Variants in PLIN1 observed in about 807,000 individuals in gnomAD.
PLIN1 encodes perilipin-1.
Under a neutral mutation model 45.8 loss-of-function variants are expected in PLIN1, and 37 were observed. The ratio of observed to expected loss-of-function variants is 0.81; its 90% CI spans 0.62 to 1.06. The LOEUF (loss-of-function observed/expected upper bound fraction) is 1.06, where lower values mean the gene tolerates loss of function less well. Among genes scored for constraint, PLIN1 ranks in the 50% least tolerant of loss-of-function variants. The pLI, the probability that PLIN1 is intolerant of heterozygous loss-of-function variation, is 0.00. For synonymous variants in PLIN1, 340 were observed against 309.2 expected (o/e 1.10, Z -1.05); for missense variants, 776 against 716.5 (o/e 1.08, Z -0.95).
Position 89,665,547 on chromosome 15 carries a change from C to T in PLIN1, c.*36G>A. ...GGGTTCTGTTTATTTGTTAGAGAAA[C>T]CCGCCGGCCCGGGGCGCGGCGGCTG... On this transcript the variant is annotated 3_prime_UTR_variant, in exon 9 of 9. Coordinates refer to ENST00000300055, the MANE Select transcript of PLIN1 (RefSeq NM_002666.5). 1.3e-6 allele frequency: 2 copies of T among 1,520,704 alleles called. No individual in the cohort carries two copies. Among genetic ancestry groups the T allele is most frequent in the Non-Finnish European group, 1.8e-6 (2 of 1,136,460 alleles). 94.2% of individuals were successfully genotyped at this position (1,520,704 alleles called of 1,614,324 possible).
rs1222430758 is a variant in PLIN1 at position 89,667,804 on chromosome 15, A to T, written c.772-11T>A. The T allele has an allele frequency of 6.5e-7, 1 of 1,549,716 alleles. No homozygotes were observed. Among genetic ancestry groups the T allele is most frequent in the East Asian group, 2.4e-5 (1 of 41,526 alleles). On this transcript the variant is annotated splice_polypyrimidine_tract_variant and intron_variant, in intron 6 of 8. Transcript: ENST00000300055. ...CTGGGCCAGGCTGCTCTGAGGGAGG[A>T]TGGCAGCAGATAGCTGGCTCAACTG... is the stretch of plus-strand genomic sequence containing the variant.
At chr15:89,676,604 T>C (rs1435774075) in intron 2 of PLIN1, 2 of 152,196 alleles carry the variant, frequency 1.3e-5, no homozygotes, top group Admixed American at 1.3e-4. Flanking sequence ...AAATAGACTA[T>C]GACTATAAAC....
rs945868887 is a variant in PLIN1, at chr15:89,665,381, G to C, written c.*202C>G. On this transcript the variant is annotated 3_prime_UTR_variant, in exon 9 of 9. Transcript: ENST00000300055. ...CTGGTGTCCCTTAAAAACTGGCTCT[G>C]AGAGTGAAGCCCCAAAAGGATGCTA... 1.8e-5 allele frequency: 7 copies of C among 393,534 alleles called. No homozygotes were observed. Among genetic ancestry groups the C allele is most frequent in the African/African-American group, 1.5e-4 (7 of 48,106 alleles). 24.4% of individuals were successfully genotyped at this position (393,534 alleles called of 1,614,324 possible). A position where few individuals can be genotyped will look rare whatever the true frequency, so the allele number is the denominator to read the frequency against.
chr15:89,674,623 G>C (rs1488179903), intron 2 of PLIN1, among the ~76,000 whole-genome samples: 1 of 152,096 alleles, frequency 6.6e-6, no homozygotes, highest in Non-Finnish European at 1.5e-5. Context: ...CAGCTTTGCT[G>C]AGCTGAAATT....
At chr15:89,677,756 T>TC in intron 1 of PLIN1, 2 of 395,556 alleles carry the variant, frequency 5.1e-6, no homozygotes. Context: ...TTTCTTTCTT[T>TC]TTTTTTTTTT....
In PLIN1 at chr15:89,667,020, T is replaced by C. The variant is rs1382108424; in HGVS notation, c.1125A>G (p.Ser375=). Residue 375 remains serine, a synonymous_variant, in exon 8 of 9, where the codon TCA becomes TCG. Coordinates refer to ENST00000300055, the MANE Select transcript of PLIN1 (RefSeq NM_002666.5). ...ATAGGGACATGGCCCTCCCCTTGGT[T>C]GAGGAGACAGCAGGGGCTGGTGTGA... ...LHLTPAPAVS[S]TKGRAMSLSD... 1.2e-6 allele frequency: 2 copies of C among 1,614,084 alleles called. No individual in the cohort carries two copies. Among genetic ancestry groups the C allele is most frequent in the Admixed American group, 3.3e-5 (2 of 60,022 alleles).
In PLIN1 at chr15:89,671,541, A is replaced by G. The variant is rs1964440982; in HGVS notation, c.274T>C (p.Cys92Arg). ...TCCTCCAGGTGGTCCAAGCCTCGGC[A>G]GGCCAGCTCATTGGCAGCTGTGACT... ...TQFTAANELA[C>R]RGLDHLEEKI... Residue 92 changes from cysteine to arginine, a missense_variant, in exon 4 of 9, where the codon TGC becomes CGC. Coordinates refer to ENST00000300055, the MANE Select transcript of PLIN1 (RefSeq NM_002666.5). 6.4e-7 allele frequency: 1 copy of G among 1,571,718 alleles called. No individual in the cohort carries two copies. Among genetic ancestry groups the G allele is most frequent in the Non-Finnish European group, 8.6e-7 (1 of 1,157,810 alleles).
In PLIN1 at chr15:89,665,687, G is replaced by A. The variant is rs780710485; in HGVS notation, c.1465C>T (p.Arg489Cys). ...CTGACCCTGCGCTTTGGCTTCTCGC[G>A]GGGCACGGCCGGGAAGCCCGGGCGC... ...APRPGFPAVP[R>C]EKPKRRVSDS... is the part of the protein sequence containing the mutation. The change falls in exon 9 of 9, where the codon CGC becomes TGC. Residue 489 changes from arginine (R) to cysteine (C), a missense_variant. By Grantham distance (180) the Arg-to-Cys change is radical. Coordinates refer to ENST00000300055, the MANE Select transcript of PLIN1 (RefSeq NM_002666.5). 124 of 1,477,772 alleles carry A rather than the reference G, an allele frequency of 8.4e-5. No homozygotes were observed. In the Middle Eastern group the frequency reaches 9.5e-4, roughly 11 times the overall value. The allele number at this position is 1,477,772 out of a possible 1,614,324, so 91.5% of individuals were successfully genotyped here.
In PLIN1 at chr15:89,677,182, T is replaced by TC. The variant is rs1314500970; in HGVS notation, c.45+262dup. 1.4e-4 allele frequency: 75 copies of TC among 548,366 alleles called. No individual in the cohort carries two copies. In the East Asian group the frequency reaches 2.3e-3, roughly 17 times the overall value. The allele number at this position is 548,366 out of a possible 1,614,324, so 34.0% of individuals were successfully genotyped here. A position where few individuals can be genotyped will look rare whatever the true frequency, so the allele number is the denominator to read the frequency against. On this transcript the variant is annotated intron_variant, in intron 2 of 8. Coordinates refer to ENST00000300055, the MANE Select transcript of PLIN1 (RefSeq NM_002666.5). ...AAACAGTAGTTTCCTTCCTCTCCAC[T>TC]CCCCCCGTCCCTAAGCCAGGATTTC...
chr15:89,666,086 G>C lies in PLIN1; in HGVS notation c.1210-144C>G, dbSNP rs1173521321. On this transcript the variant is annotated intron_variant, in intron 8 of 8. Transcript: ENST00000300055. Reference sequence around the variant, plus strand: ...AGGCTGGGGAGCGGTTCAGTAGTTTGGGGGGCACCGGGGAAAGCCCTGAGG... The same window carrying C: ...AGGCTGGGGAGCGGTTCAGTAGTTTCGGGGGCACCGGGGAAAGCCCTGAGG... 2.0e-5 allele frequency: 10 copies of C among 508,404 alleles called. No homozygotes were observed. The East Asian group carries it at 3.8e-4, about 19-fold the overall frequency. 31.5% of individuals were successfully genotyped at this position (508,404 alleles called of 1,614,324 possible).
chr15:89,666,754 CT>C (rs1964346873), intron 8 of PLIN1, among the ~76,000 whole-genome samples, 181 bp downstream of exon 8: 1 of 152,210 alleles, frequency 6.6e-6, no homozygotes, highest in African/African-American at 2.4e-5. Flanking sequence ...CTCTATACTC[CT>C]GGGGCTGGGA....
chr15:89,667,430 G>A (rs1012630155), intron 7 of PLIN1, among the ~76,000 whole-genome samples, 172 bp downstream of exon 7: 1 of 152,244 alleles, frequency 6.6e-6, no homozygotes, highest in African/African-American at 2.4e-5. Context: ...TCAGCTGAGA[G>A]AATGACATGG....
Position 89,665,853 on chromosome 15 carries a change from G to T in PLIN1, c.1299C>A (p.Arg433=). 1 of 1,489,000 alleles carries T rather than the reference G, an allele frequency of 6.7e-7. No homozygotes were observed. Among genetic ancestry groups the T allele is most frequent in the Non-Finnish European group, 8.9e-7 (1 of 1,124,508 alleles). 92.2% of individuals were successfully genotyped at this position (1,489,000 alleles called of 1,614,324 possible). Residue 433 remains arginine, a synonymous_variant, in exon 9 of 9, where the codon CGC becomes CGA. Transcript: ENST00000300055. ...CGGCGGACGGCGCCCCAGACGCTCTGCGCTCCGCCTCCCGGCGCTCGACCT... is the reference window on the plus strand; with the variant it reads ...CGGCGGACGGCGCCCCAGACGCTCTTCGCTCCGCCTCCCGGCGCTCGACCT... ...PAEVERREAE[R]RASGAPSAGP...
Position 89,665,509 on chromosome 15 carries a change from G to A in PLIN1, c.*74C>T, listed in dbSNP as rs1456576688. The A allele has an allele frequency of 4.8e-6, 7 of 1,447,666 alleles. No homozygotes were observed. Among genetic ancestry groups the A allele is most frequent in the South Asian group, 2.5e-5 (2 of 78,760 alleles). The allele number at this position is 1,447,666 out of a possible 1,614,324, so 89.7% of individuals were successfully genotyped here. A position where few individuals can be genotyped will look rare whatever the true frequency, so the allele number is the denominator to read the frequency against. On this transcript the variant is annotated 3_prime_UTR_variant, in exon 9 of 9. Coordinates refer to ENST00000300055, the MANE Select transcript of PLIN1 (RefSeq NM_002666.5). ...GACCACTTTGAAAGTGGCAACGCTC[G>A]CCTGGGCAGTGCGGGTTCTGTTTAT... is the stretch of plus-strand genomic sequence containing the variant.
chr15:89,675,468 A>C lies in PLIN1; in HGVS notation c.45+1977T>G, dbSNP rs371685076. On this transcript the variant is annotated intron_variant, in intron 2 of 8. Coordinates refer to ENST00000300055, the MANE Select transcript of PLIN1 (RefSeq NM_002666.5). ...AAAAAGCTGGCCATGCTAATATTTG[A>C]TGGCATGTGGACTACACAGTCCCAG... Among the ~76,000 whole-genome samples the C allele has an allele frequency of 1.2e-4, 17 of 144,390 alleles. No homozygotes were observed. In the East Asian group the frequency reaches 2.3e-3, roughly 20 times the overall value. The allele number at this position is 144,390 out of a possible 152,430, so 94.7% of individuals were successfully genotyped here. A position where few individuals can be genotyped will look rare whatever the true frequency, so the allele number is the denominator to read the frequency against.
Position 89,665,623 on chromosome 15 carries a change from A to T in PLIN1, c.1529T>A (p.Leu510Gln), listed in dbSNP as rs762746159. 2 of 1,519,310 alleles carry T rather than the reference A, an allele frequency of 1.3e-6. No individual in the cohort carries two copies. The highest frequency in any genetic ancestry group is 8.8e-7 in the Non-Finnish European group (1 of 1,135,572). The allele number at this position is 1,519,310 out of a possible 1,614,324, so 94.1% of individuals were successfully genotyped here. A position where few individuals can be genotyped will look rare whatever the true frequency, so the allele number is the denominator to read the frequency against. Reference protein sequence around the residue: ...FFRPSVMEPILGRTHYSQLRK... With the variant: ...FFRPSVMEPIQGRTHYSQLRK... ...CAGCTGGCTGTAATGCGTGCGGCCC[A>T]GGATGGGCTCCATGACGCTGGGCCG... is the stretch of plus-strand genomic sequence containing the variant. The change falls in exon 9 of 9, where the codon CTG becomes CAG. Residue 510 changes from leucine (L) to glutamine (Q), a missense_variant. Transcript: ENST00000300055.
intron 2 of PLIN1, among the ~76,000 whole-genome samples, chr15:89,674,568 A>T (rs1314013409): frequency 6.6e-6 from 1 of 152,106 alleles, no homozygotes; most frequent in Non-Finnish European, 1.5e-5. Flanking sequence ...GTCTCCCTGA[A>T]TGAGAGCTCT....
At chr15:89,667,554 C>A in intron 7 of PLIN1, 48 bp downstream of exon 7, 2 of 1,614,098 alleles carry the variant, frequency 1.2e-6, no homozygotes, top group South Asian at 2.2e-5. Flanking sequence ...CTGCTTCTCA[C>A]CCCTTCTGTG....
chr15:89,675,982 G>A (rs756319450), intron 2 of PLIN1, among the ~76,000 whole-genome samples: 1 of 152,020 alleles, frequency 6.6e-6, no homozygotes, highest in Non-Finnish European at 1.5e-5. Flanking sequence ...TAAAGGGTAC[G>A]TGGGGCTTCC....
Sources: allele counts gnomAD v4.1 joint callset (sites outside exome capture counted in the v4.1 genomes callset), GRCh38; gene constraint gnomAD v4.1.1; transcripts MANE v1.5; gene names NCBI Gene and HGNC (gene_info 2026-07-23, HGNC 2026-07-21).